BAZ2B: variants seen among roughly 807,000 people sequenced by gnomAD.
The protein encoded by BAZ2B is bromodomain adjacent to zinc finger domain 2B, also known as bromodomain adjacent to zinc finger domain protein 2B.
A neutral mutation model predicts 246.0 loss-of-function variants in BAZ2B; 91 were observed. The ratio of observed to expected loss-of-function variants is 0.37; its 90% CI spans 0.31 to 0.44. The LOEUF is 0.44. Among genes scored for constraint, BAZ2B ranks in the 20% least tolerant of loss-of-function variants. BAZ2B has a pLI of 1.00. For synonymous variants in BAZ2B, 855 were observed against 860.0 expected (o/e 0.99, Z 0.10); for missense variants, 2,332 against 2,533.7 (o/e 0.92, Z 1.71).
At chr2:159,636,475 T>G in the BAZ2B span, among the ~76,000 whole-genome samples, 2 of 152,094 alleles carry the variant, frequency 1.3e-5, no homozygotes, top group Non-Finnish European at 2.9e-5. Flanking sequence ...GGAGGGGGCT[T>G]TTGGACTACA....
intron 2 of BAZ2B, among the ~76,000 whole-genome samples, chr2:159,528,345 AG>A (rs2084975817): frequency 6.6e-6 from 1 of 152,092 alleles, no homozygotes; most frequent in Admixed American, 6.6e-5. Flanking sequence ...AGAAATATTT[AG>A]GGGGAAAAAA....
At chr2:159,595,125 G>C (rs1002440102) in intron 1 of BAZ2B, among the ~76,000 whole-genome samples, 1 of 146,962 alleles carries the variant, frequency 6.8e-6, no homozygotes, top group Non-Finnish European at 1.5e-5. Flanking sequence ...TTTTTTAAAC[G>C]GAGTTTTGCT....
At chr2:159,628,743 T>C in the BAZ2B span, among the ~76,000 whole-genome samples, 1 of 152,066 alleles carries the variant, frequency 6.6e-6, no homozygotes, top group Non-Finnish European at 1.5e-5. Flanking sequence ...GCAATACCAT[T>C]CAGGACATAG....
At chr2:159,692,451 C>T in the BAZ2B span, among the ~76,000 whole-genome samples, 1 of 152,168 alleles carries the variant, frequency 6.6e-6, no homozygotes, top group African/African-American at 2.4e-5. Context: ...AGCCACCGTG[C>T]CTGGCTTCTT....
intron 3 of BAZ2B, among the ~76,000 whole-genome samples, chr2:159,477,344 T>C (rs2078714251): frequency 6.6e-6 from 1 of 151,692 alleles, no homozygotes; most frequent in Non-Finnish European, 1.5e-5. Flanking sequence ...TATATGTGTA[T>C]ATATACATAC....
At chr2:159,316,349 A>T (rs1434185591), downstream of BAZ2B, among the ~76,000 whole-genome samples, 2 of 151,986 alleles carry the variant, frequency 1.3e-5, no homozygotes, top group Non-Finnish European at 2.9e-5. Flanking sequence ...AGCAGATAAG[A>T]TTCTATTCAT....
chr2:159,511,465 C>CA (rs760236058), intron 2 of BAZ2B, among the ~76,000 whole-genome samples: 17 of 152,162 alleles, frequency 1.1e-4, no homozygotes, highest in Non-Finnish European at 2.2e-4. Context: ...CTTGGCCACC[C>CA]AAAGTGCTGG....
chr2:159,403,193 C>A (rs1488297054), intron 16 of BAZ2B, among the ~76,000 whole-genome samples: 1 of 142,410 alleles, frequency 7.0e-6, no homozygotes, highest in Non-Finnish European at 1.5e-5. Flanking sequence ...TTAAAATAGA[C>A]CCTATATAAC....
At position 159,497,288 on chromosome 2, in the gene BAZ2B, A is replaced by C. The variant is rs562697563; in HGVS notation, c.-2-18567T>G. ...GAAAAAAGATCTTTTGCCTTGATGT[A>C]ATTTTTAAATGATGACAGTTTTCAT... On this transcript the variant is annotated intron_variant, in intron 2 of 36. Coordinates refer to ENST00000392783, the MANE Select transcript of BAZ2B (RefSeq NM_013450.4). Among the ~76,000 whole-genome samples the C allele has an allele frequency of 2.6e-5, 4 of 152,306 alleles. No individual in the cohort carries two copies. In the East Asian group the frequency reaches 7.7e-4, roughly 29 times the overall value.
chr2:159,709,452 C>T, the BAZ2B span, among the ~76,000 whole-genome samples: 1 of 152,160 alleles, frequency 6.6e-6, no homozygotes, highest in Non-Finnish European at 1.5e-5. Context: ...GAAGGGAAGA[C>T]TTGAAATACT....
intron 27 of BAZ2B, among the ~76,000 whole-genome samples, chr2:159,370,848 C>A (rs1274116451): frequency 2.6e-5 from 4 of 152,202 alleles, no homozygotes; most frequent in African/African-American, 9.6e-5. Flanking sequence ...GTTGCCCAGG[C>A]TGAAGTGCAA....
At chr2:159,411,746 T>C (rs1011083130) in intron 14 of BAZ2B, among the ~76,000 whole-genome samples, 1 of 152,228 alleles carries the variant, frequency 6.6e-6, no homozygotes, top group Non-Finnish European at 1.5e-5. Flanking sequence ...AAATCATTAA[T>C]ACAGTTTAGG....
chr2:159,547,350 C>A (rs1034251047), intron 2 of BAZ2B, among the ~76,000 whole-genome samples: 4 of 152,208 alleles, frequency 2.6e-5, no homozygotes, highest in Admixed American at 6.5e-5. Context: ...GACTCGCAAA[C>A]TTTTGATGCT....
chr2:159,677,379 T>C, the BAZ2B span, among the ~76,000 whole-genome samples: 407 of 152,284 alleles, frequency 2.7e-3, 2 homozygotes, highest in African/African-American at 9.2e-3. Flanking sequence ...TAATATTTTG[T>C]GTAACTATGC....
At chr2:159,363,511 C>A (rs1290394220) in intron 27 of BAZ2B, among the ~76,000 whole-genome samples, 1 of 152,042 alleles carries the variant, frequency 6.6e-6, no homozygotes, top group Non-Finnish European at 1.5e-5. Flanking sequence ...CTTTTTAGGT[C>A]ATACAAGCCC....
chr2:159,572,093 C>T (rs774406750), intron 1 of BAZ2B, among the ~76,000 whole-genome samples: 1 of 152,146 alleles, frequency 6.6e-6, no homozygotes, highest in Non-Finnish European at 1.5e-5. Flanking sequence ...TGTAGAGTTT[C>T]CAAGTTGGTA....
At chr2:159,501,035 T>C (rs2151099555) in intron 2 of BAZ2B, among the ~76,000 whole-genome samples, 1 of 142,652 alleles carries the variant, frequency 7.0e-6, no homozygotes, top group South Asian at 2.2e-4. Flanking sequence ...TTTGGGAGGC[T>C]GAGGCAGGCG....
chr2:159,558,309 T>A (rs537114508), intron 1 of BAZ2B, among the ~76,000 whole-genome samples: 5 of 152,150 alleles, frequency 3.3e-5, no homozygotes, highest in Non-Finnish European at 7.4e-5. Flanking sequence ...CAGGCTGGAG[T>A]GCAATGGCGC....
Position 159,348,949 on chromosome 2 carries a change from C to T in BAZ2B, c.5137+58G>A, listed in dbSNP as rs934670235. 1.5e-5 allele frequency: 23 copies of T among 1,581,328 alleles called. No homozygotes were observed. In the African/African-American group the frequency reaches 2.2e-4, roughly 15 times the overall value. ...AACCATCAAATATTCAGTTATAATA[C>T]AGGAATCCATAATATTGAAATTGAG... On this transcript the variant is annotated intron_variant, in intron 29 of 36. Transcript: ENST00000392783.
Sources: gnomAD v4.1 joint callset for allele counts (sites outside exome capture counted in the v4.1 genomes callset) on GRCh38, gnomAD v4.1.1 for gene constraint, MANE v1.5 for transcripts, NCBI Gene and HGNC (gene_info 2026-07-23, HGNC 2026-07-21) for gene names.